Variants in DLG2 observed in about 807,000 individuals in gnomAD.
DLG2 encodes discs large MAGUK scaffold protein 2.
DLG2 carries 45 observed loss-of-function variants against 132.5 expected under a neutral mutation model. The observed-to-expected ratio is 0.34, with a 90% CI of 0.27 to 0.44. DLG2 has a LOEUF of 0.44. Among genes scored for constraint, DLG2 ranks in the 20% least tolerant of loss-of-function variants. DLG2 has a pLI of 1.00. For missense variants in DLG2, 1,045 were observed against 1,196.9 expected (o/e 0.87, Z 1.87); for synonymous variants, 424 against 419.6 (o/e 1.01, Z -0.13).
At chr11:84,549,704 C>T (rs778554104) in intron 6 of DLG2, among the ~76,000 whole-genome samples, 3 of 152,092 alleles carry the variant, frequency 2.0e-5, no homozygotes, top group East Asian at 1.9e-4. Context: ...GGCCAGGACC[C>T]GCCTCCTAAC....
At chr11:84,189,245 T>C (rs1439796675) in intron 8 of DLG2, among the ~76,000 whole-genome samples, 1 of 152,144 alleles carries the variant, frequency 6.6e-6, no homozygotes, top group African/African-American at 2.4e-5. Context: ...TCACTGATCA[T>C]TAGAGAAATC....
chr11:83,729,291 C>G (rs1301056452), intron 18 of DLG2, among the ~76,000 whole-genome samples: 1 of 152,122 alleles, frequency 6.6e-6, no homozygotes, highest in Non-Finnish European at 1.5e-5. Context: ...AAATCTAAAG[C>G]TAAGGAAGGG....
At chr11:84,058,986 T>C (rs1945809) in intron 11 of DLG2, among the ~76,000 whole-genome samples, 108,223 of 151,716 alleles carry the variant, frequency 0.71, 39,605 homozygotes, top group Non-Finnish European at 0.8. Flanking sequence ...TGAGAGGATT[T>C]ACCATTTGTA....
chr11:84,390,841 G>C (rs776249133), intron 7 of DLG2, among the ~76,000 whole-genome samples: 1 of 152,138 alleles, frequency 6.6e-6, no homozygotes, highest in Non-Finnish European at 1.5e-5. Context: ...CAGTTTATCT[G>C]TCACTCATAG....
At chr11:84,063,601 T>C (rs1453163613) in intron 10 of DLG2, among the ~76,000 whole-genome samples, 3 of 152,120 alleles carry the variant, frequency 2.0e-5, no homozygotes, top group African/African-American at 7.2e-5. Context: ...GACCCAGCCA[T>C]CCCATTACTG....
At chr11:85,131,832 T>C (rs766747523) in intron 5 of DLG2, among the ~76,000 whole-genome samples, 1 of 152,170 alleles carries the variant, frequency 6.6e-6, no homozygotes, top group Admixed American at 6.5e-5. Flanking sequence ...ATGGGACATC[T>C]ACACTTAGTT....
intron 4 of DLG2, among the ~76,000 whole-genome samples, chr11:85,250,545 T>C (rs1383284274): frequency 1.3e-5 from 2 of 152,216 alleles, no homozygotes; most frequent in African/African-American, 4.8e-5. Context: ...AAGGCTCTCA[T>C]GTTTTTCTTG....
At chr11:84,488,978 C>T (rs1005201784) in intron 7 of DLG2, among the ~76,000 whole-genome samples, 1 of 152,148 alleles carries the variant, frequency 6.6e-6, no homozygotes, top group Non-Finnish European at 1.5e-5. Flanking sequence ...ATCTAACTCA[C>T]CACAACTGCT....
At chr11:83,707,091 C>G (rs754046960) in intron 18 of DLG2, among the ~76,000 whole-genome samples, 1 of 152,102 alleles carries the variant, frequency 6.6e-6, no homozygotes, top group Non-Finnish European at 1.5e-5. Context: ...ATTTCAAATA[C>G]GAGAAAATAG....
At position 83,857,645 on chromosome 11, in the gene DLG2, A is replaced by T. The variant is rs550612796; in HGVS notation, c.1565+16775T>A. On this transcript the variant is annotated intron_variant, in intron 16 of 27. Transcript: ENST00000376104. Reference sequence around the variant, plus strand: ...GATTGTCCAAACCCTTAGAATGTGCAACACTAAAAGTGAACGCTAATGTAA... The same window carrying T: ...GATTGTCCAAACCCTTAGAATGTGCTACACTAAAAGTGAACGCTAATGTAA... Among the ~76,000 whole-genome samples, 6 of 152,336 alleles carry T rather than the reference A, an allele frequency of 3.9e-5. 1 individual carries two copies. The South Asian group carries it at 1.2e-3, about 32-fold the overall frequency.
At chr11:83,589,319 G>A (rs1170544576) in intron 19 of DLG2, among the ~76,000 whole-genome samples, 1 of 147,394 alleles carries the variant, frequency 6.8e-6, no homozygotes, top group Non-Finnish European at 1.5e-5. Context: ...AGCCAGAAGA[G>A]AGTGGGGGCC....
chr11:85,077,670 A>C lies in DLG2; in HGVS notation c.357+33991T>G, dbSNP rs2066727488. ...AAAAATGAAAAATGTGCTACTGCACATATAATGTCATTTTTCAAGTTCAAA... is the reference window on the plus strand; with the variant it reads ...AAAAATGAAAAATGTGCTACTGCACCTATAATGTCATTTTTCAAGTTCAAA... On this transcript the variant is annotated intron_variant, in intron 6 of 27. Transcript: ENST00000376104. Among the ~76,000 whole-genome samples, 3 of 152,226 alleles carry C rather than the reference A, an allele frequency of 2.0e-5. No individual in the cohort carries two copies. In the South Asian group the frequency reaches 6.2e-4, roughly 32 times the overall value.
At chr11:84,272,683 C>G (rs925587941) in intron 7 of DLG2, among the ~76,000 whole-genome samples, 1 of 152,134 alleles carries the variant, frequency 6.6e-6, no homozygotes, top group African/African-American at 2.4e-5. Flanking sequence ...ACTAAAGAAG[C>G]AATTATACTT....
In DLG2 at chr11:83,810,256, A is replaced by G. The variant is rs549682021; in HGVS notation, c.1722+23358T>C. On this transcript the variant is annotated intron_variant, in intron 17 of 27. Coordinates refer to ENST00000376104, the MANE Select transcript of DLG2 (RefSeq NM_001142699.3). ...TTTAGCTGCCTTCTTTCTCACACCT[A>G]TAAGTTCCTGGCTAATGTTGATATT... 7.9e-5 allele frequency among the ~76,000 whole-genome samples: 12 copies of G among 152,220 alleles called. No homozygotes were observed. In the South Asian group the frequency reaches 1.7e-3, roughly 21 times the overall value.
chr11:83,596,286 C>T (rs1213928017), intron 19 of DLG2, among the ~76,000 whole-genome samples: 7 of 152,188 alleles, frequency 4.6e-5, no homozygotes, highest in Non-Finnish European at 1.0e-4. Flanking sequence ...CTGGCTTCTT[C>T]TCCTGTGTTT....
chr11:85,583,128 G>GTATATATATATATATA (rs1288807092), intron 3 of DLG2, among the ~76,000 whole-genome samples: 2 of 27,424 alleles, frequency 7.3e-5, no homozygotes, highest in Non-Finnish European at 1.5e-4. Flanking sequence ...GTGTGTGTGT[G>GTATATATATATATATA]TGTATATATA....
intron 3 of DLG2, among the ~76,000 whole-genome samples, chr11:85,406,882 A>G (rs2088802894): frequency 6.6e-6 from 1 of 151,944 alleles, no homozygotes; most frequent in Non-Finnish European, 1.5e-5. Context: ...GAAAATGAGG[A>G]ACATGGGAGA....
At chr11:83,623,048 A>G (rs1257164419) in intron 19 of DLG2, among the ~76,000 whole-genome samples, 1 of 152,198 alleles carries the variant, frequency 6.6e-6, no homozygotes, top group Non-Finnish European at 1.5e-5. Flanking sequence ...TTATTGCGTG[A>G]CTAAGTCTTT....
Position 85,390,864 on chromosome 11 carries a change from G to T in DLG2, c.41-105499C>A, listed in dbSNP as rs547597214. Among the ~76,000 whole-genome samples, 33 of 151,848 alleles carry T rather than the reference G, an allele frequency of 2.2e-4. No individual in the cohort carries two copies. In the South Asian group the frequency reaches 4.4e-3, roughly 20 times the overall value. On this transcript the variant is annotated intron_variant, in intron 3 of 27. Coordinates refer to ENST00000376104, the MANE Select transcript of DLG2 (RefSeq NM_001142699.3). ...AAAAGAGCTCAAATAGACAATCTAA[G>T]GTCACACCTCAAGGAACTAGAGAAA... is the stretch of plus-strand genomic sequence containing the variant.
Sources: allele counts gnomAD v4.1 joint callset (sites outside exome capture counted in the v4.1 genomes callset), GRCh38; gene constraint gnomAD v4.1.1; transcripts MANE v1.5; gene names NCBI Gene and HGNC (gene_info 2026-07-23, HGNC 2026-07-21).